The following FAT3 variants were observed in gnomAD, a reference collection of about 807,000 sequenced individuals.
The protein encoded by FAT3 is protocadherin Fat 3.
FAT3 carries 95 observed loss-of-function variants against 310.2 expected under a neutral mutation model. The observed-to-expected ratio is 0.31, with a 90% CI of 0.26 to 0.36. The LOEUF is 0.36. FAT3 is among the 10% of genes least tolerant of loss of function. The pLI is 1.00. For synonymous variants in FAT3, 2,314 were observed against 2,192.9 expected (o/e 1.06, Z -1.54); for missense variants, 5,408 against 5,715.6 (o/e 0.95, Z 1.74).
chr11:92,567,672 G>T (rs1390714000), intron 3 of FAT3, among the ~76,000 whole-genome samples: 8 of 151,996 alleles, frequency 5.3e-5, no homozygotes, highest in Non-Finnish European at 7.4e-5. Context: ...TTAAGAAAAT[G>T]TGGCACATAT....
At chr11:92,336,111 C>A (rs1345899103) in intron 1 of FAT3, 3 of 522,674 alleles carry the variant, frequency 5.7e-6, no homozygotes, top group Non-Finnish European at 1.1e-5. Context: ...TTTGGCCTCT[C>A]GGTATTTCAC....
At chr11:92,275,815 A>G (rs1398046325) in intron 1 of FAT3, among the ~76,000 whole-genome samples, 2 of 151,778 alleles carry the variant, frequency 1.3e-5, no homozygotes, top group Non-Finnish European at 2.9e-5. Flanking sequence ...GCTTGCTTAT[A>G]ACCTTTTATT....
chr11:92,787,214 A>T (rs941601318), intron 7 of FAT3, among the ~76,000 whole-genome samples: 1 of 152,096 alleles, frequency 6.6e-6, no homozygotes, highest in Admixed American at 6.6e-5. Context: ...ATGGCAGGGA[A>T]GAGTGTATAT....
chr11:92,845,088 G>A (rs1434557670), intron 19 of FAT3, among the ~76,000 whole-genome samples: 2 of 152,338 alleles, frequency 1.3e-5, no homozygotes, highest in East Asian at 3.9e-4. Context: ...AGCCTTCTAG[G>A]CAAGGGGCAG....
At chr11:92,331,455 G>C (rs1016103835) in intron 1 of FAT3, among the ~76,000 whole-genome samples, 4 of 152,200 alleles carry the variant, frequency 2.6e-5, no homozygotes, top group Admixed American at 6.5e-5. Flanking sequence ...ATGGTAAAAT[G>C]ACACTAAACA....
At chr11:92,717,382 G>A (rs1310143324) in intron 4 of FAT3, among the ~76,000 whole-genome samples, 2 of 152,146 alleles carry the variant, frequency 1.3e-5, no homozygotes, top group Non-Finnish European at 1.5e-5. Flanking sequence ...ACAATTGTGG[G>A]TGTGTGCATT....
intron 2 of FAT3, among the ~76,000 whole-genome samples, chr11:92,420,846 C>G (rs1445275261): frequency 6.6e-6 from 1 of 152,074 alleles, no homozygotes; most frequent in African/African-American, 2.4e-5. Context: ...GAAACAGTAA[C>G]TCAATTGATT....
At position 92,809,796 on chromosome 11, in the gene FAT3, C is replaced by G. The variant is rs763796949; in HGVS notation, c.9248-47C>G. ...TGGTCCTCTGCTCTCCAAAGAAAGACAGTTTTTAAAAACTCAGACCAATCA... is the reference window on the plus strand; with the variant it reads ...TGGTCCTCTGCTCTCCAAAGAAAGAGAGTTTTTAAAAACTCAGACCAATCA... On this transcript the variant is annotated intron_variant, in intron 12 of 27. Coordinates refer to ENST00000525166, the MANE Select transcript of FAT3 (RefSeq NM_001367949.2). 5 of 1,459,438 alleles carry G rather than the reference C, an allele frequency of 3.4e-6. No homozygotes were observed. The South Asian group carries it at 4.9e-5, about 14-fold the overall frequency. 90.4% of individuals were successfully genotyped at this position (1,459,438 alleles called of 1,614,324 possible).
chr11:92,837,830 C>A (rs774753767), intron 17 of FAT3, 24 bp downstream of exon 17: 4 of 1,613,782 alleles, frequency 2.5e-6, no homozygotes, highest in Non-Finnish European at 3.4e-6. Context: ...GCCTGCCAAG[C>A]ACTTGTCCCT....
chr11:92,693,138 G>A (rs1399385199), intron 3 of FAT3, among the ~76,000 whole-genome samples: 2 of 152,118 alleles, frequency 1.3e-5, no homozygotes, highest in Non-Finnish European at 2.9e-5. Flanking sequence ...TAATTGCACA[G>A]TTCCAGCCAT....
intron 2 of FAT3, among the ~76,000 whole-genome samples, chr11:92,496,217 T>C (rs1952756380): frequency 6.6e-6 from 1 of 151,876 alleles, no homozygotes; most frequent in Non-Finnish European, 1.5e-5. Context: ...GCTTAAAGAG[T>C]GTTCAGGCTA....
At chr11:92,806,946 T>A (rs1167446087) in intron 12 of FAT3, among the ~76,000 whole-genome samples, 1 of 152,122 alleles carries the variant, frequency 6.6e-6, no homozygotes. Context: ...AGGTGACGGA[T>A]TGAACTGACT....
intron 2 of FAT3, among the ~76,000 whole-genome samples, chr11:92,423,277 C>T (rs954141493): frequency 2.0e-5 from 3 of 152,052 alleles, no homozygotes; most frequent in Non-Finnish European, 2.9e-5. Context: ...TGAAGTTAGT[C>T]GGTTGCAAAG....
chr11:92,399,156 G>T (rs1371815634), intron 2 of FAT3, among the ~76,000 whole-genome samples: 1 of 152,142 alleles, frequency 6.6e-6, no homozygotes, highest in Non-Finnish European at 1.5e-5. Context: ...CACATATTAA[G>T]ATGTAAATAG....
rs1268532489 is a variant in FAT3 at position 92,883,107 on chromosome 11, C to T, written c.12651C>T (p.Asp4217=). The T allele has an allele frequency of 1.9e-6, 3 of 1,613,668 alleles. No individual in the cohort carries two copies. The highest frequency in any genetic ancestry group is 1.7e-5 in the Admixed American group (1 of 60,010). Residue 4217 remains aspartate, a synonymous_variant, in exon 24 of 28, where the codon GAC becomes GAT. Transcript: ENST00000525166. The surrounding 1 kb of genome is among the most constrained non-coding windows in gnomAD (Gnocchi z 4.2). ...TCCGGAACCTGCGCGGCAGTGGGGA[C>T]GGCCGCAACGTCTACCAGGAGGTGG... ...IPFRNLRGSG[D]GRNVYQEVGP...
At chr11:92,340,156 AC>A (rs1948209428) in intron 1 of FAT3, among the ~76,000 whole-genome samples, 1 of 120,386 alleles carries the variant, frequency 8.3e-6, no homozygotes, top group South Asian at 2.9e-4. Flanking sequence ...ATTTGGCGGA[AC>A]CTTTTCAGCC....
At chr11:92,548,074 T>C (rs1223163033) in intron 3 of FAT3, among the ~76,000 whole-genome samples, 1 of 152,192 alleles carries the variant, frequency 6.6e-6, no homozygotes, top group East Asian at 1.9e-4. Context: ...TAGAGTGTTT[T>C]ATTAATCCCA....
chr11:92,563,602 T>G (rs1955311538), intron 3 of FAT3, among the ~76,000 whole-genome samples: 1 of 152,152 alleles, frequency 6.6e-6, no homozygotes, highest in Admixed American at 6.6e-5. Flanking sequence ...TTCTTGAGAC[T>G]GAATTTCTCT....
At chr11:92,731,891 T>C (rs1021330199) in intron 4 of FAT3, among the ~76,000 whole-genome samples, 1 of 152,222 alleles carries the variant, frequency 6.6e-6, no homozygotes, top group African/African-American at 2.4e-5. Context: ...TGCTAGTACC[T>C]AACATAATGA....
Sources: gnomAD v4.1 joint callset for allele counts (sites outside exome capture counted in the v4.1 genomes callset) on GRCh38, gnomAD v4.1.1 for gene constraint, Gnocchi (gnomAD v3.1) non-coding constraint, MANE v1.5 for transcripts, NCBI Gene and HGNC (gene_info 2026-07-23, HGNC 2026-07-21) for gene names.